MAN2A1: variants seen among roughly 807,000 people sequenced by gnomAD.
MAN2A1 encodes mannosidase alpha class 2A member 1.
MAN2A1 carries 76 observed loss-of-function variants against 142.6 expected under a neutral mutation model. The ratio of observed to expected loss-of-function variants is 0.53; its 90% CI spans 0.44 to 0.65. MAN2A1 has a LOEUF of 0.65. Ranked by LOEUF, MAN2A1 falls within the 30% of genes least tolerant of loss-of-function variation. The pLI is 0.00. For synonymous variants in MAN2A1, 559 were observed against 473.2 expected (o/e 1.18, Z -2.35); for missense variants, 1,311 against 1,365.1 (o/e 0.96, Z 0.62).
At chr5:109,788,783 A>C in intron 10 of MAN2A1, 151 bp from the exon 11 acceptor site, 2 of 552,574 alleles carry the variant, frequency 3.6e-6, no homozygotes, top group Middle Eastern at 4.9e-4. Context: ...TTCTAGGGGA[A>C]AAAAGAGCAG....
intron 13 of MAN2A1, among the ~76,000 whole-genome samples, chr5:109,819,115 A>G (rs1754551326): frequency 6.6e-6 from 1 of 152,214 alleles, no homozygotes; most frequent in Admixed American, 6.5e-5. Context: ...TTTCGCTTTC[A>G]GTATAGTATA....
intron 1 of MAN2A1, among the ~76,000 whole-genome samples, chr5:109,696,967 A>G (rs1468588902): frequency 2.0e-5 from 3 of 152,240 alleles, no homozygotes; most frequent in Admixed American, 2.0e-4. Flanking sequence ...GTTGAAGGAA[A>G]AAATGGAAGA....
intron 5 of MAN2A1, among the ~76,000 whole-genome samples, chr5:109,757,254 T>C (rs1752713060): frequency 6.6e-6 from 1 of 152,164 alleles, no homozygotes; most frequent in African/African-American, 2.4e-5. Flanking sequence ...ATACTTGATA[T>C]GCTAACCCAA....
At chr5:109,708,509 G>GACACAC (rs145989678) in intron 1 of MAN2A1, among the ~76,000 whole-genome samples, 32,970 of 124,360 alleles carry the variant, frequency 0.27, 4,593 homozygotes, top group Middle Eastern at 0.31. Flanking sequence ...GAACTGATAG[G>GACACAC]ACACACACAC....
At chr5:109,852,175 G>C (rs1166001060) in intron 19 of MAN2A1, among the ~76,000 whole-genome samples, 2 of 150,122 alleles carry the variant, frequency 1.3e-5, no homozygotes, top group Non-Finnish European at 1.5e-5. Context: ...ATACCATACA[G>C]ACCTACCAAA....
intron 4 of MAN2A1, among the ~76,000 whole-genome samples, chr5:109,732,340 T>G (rs1326243185): frequency 6.6e-6 from 1 of 152,118 alleles, no homozygotes. Flanking sequence ...GTAGTTTCTT[T>G]TGCTGTGCAG....
At chr5:109,772,084 C>T (rs1314182994) in intron 7 of MAN2A1, among the ~76,000 whole-genome samples, 3 of 152,252 alleles carry the variant, frequency 2.0e-5, no homozygotes, top group African/African-American at 7.2e-5. Flanking sequence ...CTATATAATA[C>T]TTAGAGATTT....
chr5:109,786,835 G>T (rs982178980), intron 10 of MAN2A1, among the ~76,000 whole-genome samples: 1 of 151,988 alleles, frequency 6.6e-6, no homozygotes, highest in Non-Finnish European at 1.5e-5. Context: ...ATAGCAACCA[G>T]AAACAGAATA....
chr5:109,780,890 A>T (rs1027827564), intron 8 of MAN2A1, among the ~76,000 whole-genome samples: 1 of 152,284 alleles, frequency 6.6e-6, no homozygotes, highest in South Asian at 2.1e-4. Flanking sequence ...CTTCTCCTTC[A>T]CAAGAACTCA....
intron 3 of MAN2A1, among the ~76,000 whole-genome samples, chr5:109,726,842 G>C (rs1235930076): frequency 1.3e-5 from 2 of 152,130 alleles, no homozygotes; most frequent in Non-Finnish European, 2.9e-5. Context: ...ACTATTTATA[G>C]TTCTTTAGCT....
At chr5:109,704,455 C>A (rs1751074295) in intron 1 of MAN2A1, among the ~76,000 whole-genome samples, 1 of 152,164 alleles carries the variant, frequency 6.6e-6, no homozygotes, top group Non-Finnish European at 1.5e-5. Context: ...GGCTCTGAGT[C>A]TGGAAAATAC....
chr5:109,726,994 G>T (rs1030091626), intron 3 of MAN2A1, among the ~76,000 whole-genome samples: 2 of 152,208 alleles, frequency 1.3e-5, no homozygotes, highest in South Asian at 4.1e-4. Context: ...GCACGGTACA[G>T]AAATAGATTT....
chr5:109,770,233 G>A, intron 6 of MAN2A1, 122 bp from the exon 7 acceptor site: 2 of 835,812 alleles, frequency 2.4e-6, no homozygotes, highest in Admixed American at 2.5e-5. Context: ...GAAGTTAAAG[G>A]GGCTGCTGAT....
chr5:109,828,235 A>G (rs925196966), intron 16 of MAN2A1, among the ~76,000 whole-genome samples: 2 of 152,236 alleles, frequency 1.3e-5, no homozygotes, highest in African/African-American at 4.8e-5. Context: ...TTTGTAGAAA[A>G]TAACACTCTT....
chr5:109,769,444 C>T (rs1001751120), intron 6 of MAN2A1, among the ~76,000 whole-genome samples: 4 of 152,068 alleles, frequency 2.6e-5, no homozygotes, highest in East Asian at 1.9e-4. Context: ...CTTTCTGTTA[C>T]GTAAGCAGTA....
intron 5 of MAN2A1, among the ~76,000 whole-genome samples, chr5:109,766,274 C>G (rs1752988036): frequency 6.6e-6 from 1 of 152,122 alleles, no homozygotes; most frequent in Admixed American, 6.6e-5. Context: ...TCTTAGAATA[C>G]ATGAAAGCTG....
At chr5:109,727,296 C>G (rs749831928) in intron 3 of MAN2A1, among the ~76,000 whole-genome samples, 3 of 152,088 alleles carry the variant, frequency 2.0e-5, no homozygotes, top group Non-Finnish European at 2.9e-5. Context: ...GAGGTCATCT[C>G]TCCTTGGCTT....
chr5:109,782,465 G>T (rs997530462), intron 9 of MAN2A1, among the ~76,000 whole-genome samples: 1 of 152,128 alleles, frequency 6.6e-6, no homozygotes, highest in Non-Finnish European at 1.5e-5. Context: ...AACGGAGGCT[G>T]GTTGTTGATA....
intron 1 of MAN2A1, among the ~76,000 whole-genome samples, chr5:109,691,160 A>C (rs1041628568): frequency 1.3e-5 from 2 of 152,146 alleles, no homozygotes; most frequent in African/African-American, 4.8e-5. Context: ...GACAGGGGGA[A>C]CCGAGTGGGG....
Sources: gnomAD v4.1 joint callset for allele counts (sites outside exome capture counted in the v4.1 genomes callset) on GRCh38, gnomAD v4.1.1 for gene constraint, MANE v1.5 for transcripts, NCBI Gene and HGNC (gene_info 2026-07-23, HGNC 2026-07-21) for gene names.